The following GRIK2 variants were observed in gnomAD, a reference collection of about 807,000 sequenced individuals.
GRIK2 encodes the protein glutamate receptor ionotropic, kainate 2.
In GRIK2, 32 loss-of-function variants were observed where a neutral mutation model predicts 100.3. The ratio of observed to expected loss-of-function variants is 0.32; its 90% CI spans 0.24 to 0.43. GRIK2 has a LOEUF of 0.43. Among genes scored for constraint, GRIK2 ranks in the 20% least tolerant of loss-of-function variants. The probability of loss-of-function intolerance (pLI) is 1.00; values close to 1 mark genes in which losing one functional copy is unlikely to be tolerated. For missense variants in GRIK2, 843 were observed against 1,114.9 expected (o/e 0.76, Z 3.47); for synonymous variants, 417 against 389.4 (o/e 1.07, Z -0.83).
chr6:101,744,539 T>TATATATACACAC (rs1203608202), intron 7 of GRIK2: 6 of 123,070 alleles, frequency 4.9e-5, no homozygotes, highest in African/African-American at 1.7e-4. Flanking sequence ...TATATATATA[T>TATATATACACAC]ATATATATAT....
chr6:101,655,257 T>A lies in GRIK2; in HGVS notation c.542-21366T>A, dbSNP rs142407653. 1.4e-3 allele frequency among the ~76,000 whole-genome samples: 213 copies of A among 152,326 alleles called. 1 individual carries two copies. The highest frequency in any genetic ancestry group is 5.0e-3 in the African/African-American group (208 of 41,572). The stretch of plus-strand genomic sequence containing the variant: ...CACATGGATTGCAGAATTTGTATGC[T>A]GGCCAGAATTTCTGGTGGAGTAAGA... On this transcript the variant is annotated intron_variant, in intron 4 of 16. Transcript: ENST00000369134.
chr6:102,049,309 A>G (rs1299545235), intron 15 of GRIK2, among the ~76,000 whole-genome samples: 1 of 152,298 alleles, frequency 6.6e-6, no homozygotes, highest in Non-Finnish European at 1.5e-5. Context: ...AAGGGGCAAC[A>G]TATTTTCCAC....
chr6:101,920,343 T>G (rs1183428775), intron 12 of GRIK2, among the ~76,000 whole-genome samples: 1 of 151,990 alleles, frequency 6.6e-6, no homozygotes, highest in African/African-American at 2.4e-5. Flanking sequence ...CTTCTAATAC[T>G]TCTCTATTTA....
intron 15 of GRIK2, among the ~76,000 whole-genome samples, chr6:102,042,223 T>TCC (rs1770624511): frequency 6.6e-6 from 1 of 151,634 alleles, no homozygotes. Flanking sequence ...ACAATCTTTT[T>TCC]AGTAAACAGA....
rs554145795 is a variant in GRIK2, at chr6:101,852,399, G to T, written c.1318-6888G>T. ...ACATGGGTTAGTGACTTGAGGATTTGTTACCATCATGCCCGAGCCTCATAG... is the reference window on the plus strand; with the variant it reads ...ACATGGGTTAGTGACTTGAGGATTTTTTACCATCATGCCCGAGCCTCATAG... On this transcript the variant is annotated intron_variant, in intron 10 of 16. Coordinates refer to ENST00000369134, the MANE Select transcript of GRIK2 (RefSeq NM_021956.5). 4.6e-5 allele frequency among the ~76,000 whole-genome samples: 7 copies of T among 152,052 alleles called. No individual in the cohort carries two copies. In the South Asian group the frequency reaches 1.5e-3, roughly 32 times the overall value.
At chr6:101,890,109 G>A (rs1336265576) in intron 12 of GRIK2, 1 of 341,764 alleles carries the variant, frequency 2.9e-6, no homozygotes, top group Admixed American at 4.7e-5. Context: ...TTCTTAACCA[G>A]AATATAAAAG....
chr6:101,688,542 A>G (rs1038097732), intron 7 of GRIK2, among the ~76,000 whole-genome samples: 3 of 152,012 alleles, frequency 2.0e-5, no homozygotes, highest in Admixed American at 1.3e-4. Flanking sequence ...GAGAGAGGAT[A>G]TTAGGAGAAT....
intron 14 of GRIK2, among the ~76,000 whole-genome samples, chr6:102,016,042 A>T (rs1219231112): frequency 1.3e-5 from 2 of 152,182 alleles, no homozygotes; most frequent in African/African-American, 4.8e-5. Context: ...ACATCAGCCC[A>T]CAAAGATGAG....
intron 7 of GRIK2, among the ~76,000 whole-genome samples, chr6:101,769,655 A>C (rs928384586): frequency 1.3e-5 from 2 of 152,172 alleles, no homozygotes; most frequent in African/African-American, 4.8e-5. Flanking sequence ...TTCTAAATAA[A>C]TGTATATACT....
intron 2 of GRIK2, among the ~76,000 whole-genome samples, chr6:101,607,458 A>G (rs941020819): frequency 6.6e-6 from 1 of 152,014 alleles, no homozygotes; most frequent in Non-Finnish European, 1.5e-5. Flanking sequence ...GGCTTTATGC[A>G]AATGCAAATG....
intron 15 of GRIK2, among the ~76,000 whole-genome samples, chr6:102,048,726 G>A (rs1771026053): frequency 6.6e-6 from 1 of 152,030 alleles, no homozygotes; most frequent in Non-Finnish European, 1.5e-5. Context: ...TAGAAGAAAT[G>A]TAATATTATT....
At chr6:101,544,937 T>C (rs920654308) in intron 2 of GRIK2, among the ~76,000 whole-genome samples, 1 of 152,202 alleles carries the variant, frequency 6.6e-6, no homozygotes, top group Non-Finnish European at 1.5e-5. Context: ...CTTTTAAATA[T>C]AAAGGAGTTA....
intron 2 of GRIK2, among the ~76,000 whole-genome samples, chr6:101,483,766 G>A (rs571124839): frequency 1.3e-5 from 2 of 152,160 alleles, no homozygotes; most frequent in South Asian, 4.2e-4. Context: ...TAGTAGAGAT[G>A]GGTTTCGCCA....
intron 9 of GRIK2, among the ~76,000 whole-genome samples, chr6:101,811,528 A>C (rs201852032): frequency 6.6e-6 from 1 of 152,114 alleles, no homozygotes; most frequent in African/African-American, 2.4e-5. Context: ...ATTTAAAATA[A>C]ATTTAACTTT....
chr6:101,561,962 A>G (rs546685981), intron 2 of GRIK2, among the ~76,000 whole-genome samples: 1 of 152,288 alleles, frequency 6.6e-6, no homozygotes, highest in Admixed American at 6.5e-5. Flanking sequence ...GGTCATCCTT[A>G]TAAAAGGATG....
At chr6:101,586,649 G>A (rs982017776) in intron 2 of GRIK2, among the ~76,000 whole-genome samples, 1 of 151,702 alleles carries the variant, frequency 6.6e-6, no homozygotes, top group African/African-American at 2.4e-5. Flanking sequence ...CAGGTGGATT[G>A]CCTGTGCTCA....
intron 2 of GRIK2, among the ~76,000 whole-genome samples, chr6:101,454,487 C>A (rs1370221338): frequency 6.6e-6 from 1 of 152,110 alleles, no homozygotes; most frequent in Non-Finnish European, 1.5e-5. Context: ...CCCATTAAGC[C>A]AGTTCAGCGG....
chr6:101,939,197 G>A (rs968756482), intron 14 of GRIK2, among the ~76,000 whole-genome samples: 1 of 151,938 alleles, frequency 6.6e-6, no homozygotes, highest in African/African-American at 2.4e-5. Flanking sequence ...ATTATTAAAG[G>A]CATAGACCAA....
intron 10 of GRIK2, among the ~76,000 whole-genome samples, chr6:101,836,088 A>G (rs2246394): frequency 0.29 from 43,679 of 150,834 alleles, 9,187 homozygotes; most frequent in East Asian, 0.69. Context: ...GGGAGGCATT[A>G]CTCCATTGCC....
Sources: allele counts gnomAD v4.1 joint callset (sites outside exome capture counted in the v4.1 genomes callset), GRCh38; gene constraint gnomAD v4.1.1; transcripts MANE v1.5; gene names NCBI Gene and HGNC (gene_info 2026-07-23, HGNC 2026-07-21).